Variants in EPHB2 observed in about 807,000 individuals in gnomAD.
The protein encoded by EPHB2 is EPH receptor B2.
In EPHB2, 18 loss-of-function variants were observed where a neutral mutation model predicts 96.4. The ratio of observed to expected loss-of-function variants is 0.19; its 90% CI spans 0.13 to 0.28. The LOEUF is 0.28. Ranked by LOEUF, EPHB2 falls within the 10% of genes least tolerant of loss-of-function variation. The probability of loss-of-function intolerance (pLI) is 1.00; values close to 1 mark genes in which losing one functional copy is unlikely to be tolerated. For missense variants in EPHB2, 989 were observed against 1,355.4 expected (o/e 0.73, Z 4.25); for synonymous variants, 506 against 534.1 (o/e 0.95, Z 0.72).
intron 1 of EPHB2, among the ~76,000 whole-genome samples, chr1:22,772,213 C>T (rs1320417067): frequency 2.6e-5 from 4 of 152,132 alleles, no homozygotes; most frequent in Non-Finnish European, 4.4e-5. Flanking sequence ...CAGGCTGGCC[C>T]GGAGGATTGG....
intron 1 of EPHB2, among the ~76,000 whole-genome samples, chr1:22,735,767 A>C (rs1178731906): frequency 6.6e-6 from 1 of 152,206 alleles, no homozygotes; most frequent in African/African-American, 2.4e-5. Context: ...ACCCTGGGAC[A>C]GCCTAATGAT....
rs1557676219 is a variant in EPHB2 at position 22,790,503 on chromosome 1, G to T, written c.811+5427G>T. On this transcript the variant is annotated intron_variant, in intron 3 of 15. Coordinates refer to ENST00000374630, the MANE Select transcript of EPHB2 (RefSeq NM_017449.5). This position sits in a 1 kb window ranked among gnomAD's most constrained non-coding sequence, Gnocchi z 4.0. ...TGCCCGCACCCAAGTCTGTTTCTCTGACTCTTTCTAGAGTATGATAGGTGT... is the reference window on the plus strand; with the variant it reads ...TGCCCGCACCCAAGTCTGTTTCTCTTACTCTTTCTAGAGTATGATAGGTGT... Among the ~76,000 whole-genome samples the T allele has an allele frequency of 6.6e-6, 1 of 152,130 alleles. No homozygotes were observed. The highest frequency in any genetic ancestry group is 1.5e-5 in the Non-Finnish European group (1 of 68,030).
chr1:22,838,998 G>A (rs1645426323), intron 3 of EPHB2, among the ~76,000 whole-genome samples: 2 of 151,992 alleles, frequency 1.3e-5, no homozygotes, highest in South Asian at 4.2e-4. Flanking sequence ...AAGGGTGTGG[G>A]GTTCAGAATC....
intron 3 of EPHB2, among the ~76,000 whole-genome samples, chr1:22,820,524 G>A (rs1645138628): frequency 6.6e-6 from 1 of 152,118 alleles, no homozygotes; most frequent in African/African-American, 2.4e-5. Flanking sequence ...TTAGCCGGGT[G>A]TGGTGGTGTG....
chr1:22,808,459 C>G (rs1644958550), intron 3 of EPHB2, among the ~76,000 whole-genome samples: 1 of 152,192 alleles, frequency 6.6e-6, no homozygotes, highest in South Asian at 2.1e-4. Flanking sequence ...GCAGACATAC[C>G]AAATTAACCA....
intron 8 of EPHB2, among the ~76,000 whole-genome samples, 169 bp downstream of exon 8, chr1:22,895,749 C>T (rs1046184035): frequency 2.6e-5 from 4 of 152,248 alleles, no homozygotes; most frequent in East Asian, 1.9e-4. Context: ...ACTACCTAAG[C>T]GGCCACCATG....
chr1:22,724,984 T>G (rs1326317810), intron 1 of EPHB2, among the ~76,000 whole-genome samples: 1 of 152,124 alleles, frequency 6.6e-6, no homozygotes, highest in Non-Finnish European at 1.5e-5. Context: ...CTTGAGCATC[T>G]CTTCCTGTGT....
At chr1:22,755,599 A>G (rs1644136907) in intron 1 of EPHB2, among the ~76,000 whole-genome samples, 2 of 152,180 alleles carry the variant, frequency 1.3e-5, no homozygotes, top group Non-Finnish European at 2.9e-5. Flanking sequence ...TGGGGGAGCT[A>G]GATGCACTGG....
intron 3 of EPHB2, among the ~76,000 whole-genome samples, chr1:22,818,230 A>C (rs1010830710): frequency 2.0e-5 from 3 of 150,868 alleles, no homozygotes; most frequent in South Asian, 2.1e-4. Flanking sequence ...GCCCCCCACG[A>C]CCTCTTCTTC....
At chr1:22,907,910 C>T in intron 11 of EPHB2, 43 bp from the exon 12 acceptor site, 2 of 1,605,374 alleles carry the variant, frequency 1.2e-6, no homozygotes, top group South Asian at 1.1e-5. Context: ...GCTCTGATGC[C>T]TGCTCTTCTG....
chr1:22,727,213 C>T lies in EPHB2; in HGVS notation c.61+16170C>T, dbSNP rs145793489. 1.3e-4 allele frequency among the ~76,000 whole-genome samples: 20 copies of T among 152,352 alleles called. 1 individual carries two copies. The highest frequency in any genetic ancestry group is 4.8e-4 in the African/African-American group (20 of 41,586). On this transcript the variant is annotated intron_variant, in intron 1 of 15. Transcript: ENST00000374630. Reference sequence around the variant, plus strand: ...TGGAGGCCAGGAGGGGCTATATGGGCCTAGCCTCCATTAAGCCAGACCCTG... The same window carrying T: ...TGGAGGCCAGGAGGGGCTATATGGGTCTAGCCTCCATTAAGCCAGACCCTG...
intron 1 of EPHB2, chr1:22,775,117 T>C (rs1644431248): frequency 1.0e-5 from 8 of 763,030 alleles, no homozygotes; most frequent in Non-Finnish European, 1.5e-5. Context: ...ACACAAGCCC[T>C]GATGACTTTG....
chr1:22,906,887 T>G lies in EPHB2; in HGVS notation c.2066T>G (p.Val689Gly), dbSNP rs1191865394. Residue 689 changes from valine (V) to glycine (G), a missense_variant, in exon 11 of 16, where the codon GTG becomes GGG. Coordinates refer to ENST00000374630, the MANE Select transcript of EPHB2 (RefSeq NM_017449.5). The surrounding 1 kb of genome is among the most constrained non-coding windows in gnomAD (Gnocchi z 4.8). ...HPNVIHLEGV[V>G]TKSTPVMIIT... ...AACGTCATCCACCTGGAGGGTGTCG[T>G]GACCAAGAGCACACCTGTGATGATC... 2 of 1,614,040 alleles carry G rather than the reference T, an allele frequency of 1.2e-6. No homozygotes were observed. Among genetic ancestry groups the G allele is most frequent in the Non-Finnish European group, 1.7e-6 (2 of 1,180,028 alleles).
At chr1:22,712,638 G>A (rs979426262) in intron 1 of EPHB2, among the ~76,000 whole-genome samples, 12 of 152,204 alleles carry the variant, frequency 7.9e-5, no homozygotes, top group African/African-American at 2.9e-4. Context: ...GCTGTCCTTC[G>A]GCTCCTGGGG....
At chr1:22,819,306 C>G (rs1005928321) in intron 3 of EPHB2, among the ~76,000 whole-genome samples, 1 of 151,706 alleles carries the variant, frequency 6.6e-6, no homozygotes, top group African/African-American at 2.4e-5. Flanking sequence ...GCCACCGCCT[C>G]TCACAACCTC....
intron 3 of EPHB2, among the ~76,000 whole-genome samples, chr1:22,841,419 C>T (rs1194655624): frequency 6.6e-6 from 1 of 152,106 alleles, no homozygotes; most frequent in Non-Finnish European, 1.5e-5. Flanking sequence ...AGGGAGGGCT[C>T]AGTGCAAAGG....
At chr1:22,911,462 C>T (rs571979282) in intron 14 of EPHB2, among the ~76,000 whole-genome samples, 1 of 152,268 alleles carries the variant, frequency 6.6e-6, no homozygotes, top group South Asian at 2.1e-4. Context: ...CACCATACAC[C>T]CATCTGTGCC....
chr1:22,823,054 C>T (rs571575096), intron 3 of EPHB2, among the ~76,000 whole-genome samples: 2 of 152,290 alleles, frequency 1.3e-5, no homozygotes, highest in African/African-American at 4.8e-5. Flanking sequence ...GGGCCAGAGG[C>T]AGGTCCTCAT....
intron 3 of EPHB2, among the ~76,000 whole-genome samples, chr1:22,851,895 G>A (rs754008528): frequency 6.6e-6 from 1 of 152,206 alleles, no homozygotes; most frequent in African/African-American, 2.4e-5. Context: ...CAGCTTGGGG[G>A]CATCTCCTCC....
Sources: allele counts gnomAD v4.1 joint callset (sites outside exome capture counted in the v4.1 genomes callset), GRCh38; gene constraint gnomAD v4.1.1; non-coding constraint Gnocchi (gnomAD v3.1); transcripts MANE v1.5; gene names NCBI Gene and HGNC (gene_info 2026-07-23, HGNC 2026-07-21).